COL4A3: variants seen among roughly 807,000 people sequenced by gnomAD.
The protein encoded by COL4A3 is collagen type IV alpha 3 chain.
In COL4A3, 135 loss-of-function variants were observed where a neutral mutation model predicts 217.4. The ratio of observed to expected loss-of-function variants is 0.62; its 90% CI spans 0.54 to 0.72. The LOEUF (loss-of-function observed/expected upper bound fraction) is 0.72, where lower values mean the gene tolerates loss of function less well. Among genes scored for constraint, COL4A3 ranks in the 30% least tolerant of loss-of-function variants. COL4A3 has a pLI of 0.00. For missense variants in COL4A3, 1,868 were observed against 2,119.9 expected (o/e 0.88, Z 2.33); for synonymous variants, 690 against 736.3 (o/e 0.94, Z 1.02).
rs6436668 is a variant in COL4A3 at position 227,248,174 on chromosome 2, G to A, written c.469-269G>A. ...AGGCTGGTCTTGAACTCCTGACCTC[G>A]GGTGATCTGCCCGTTTTGATCTCCC... On this transcript the variant is annotated intron_variant, in intron 8 of 51. Transcript: ENST00000396578. 0.78 allele frequency among the ~76,000 whole-genome samples: 118,566 copies of A among 152,062 alleles called. 46,877 individuals are homozygous for A. The highest frequency in any genetic ancestry group is 0.91 in the East Asian group (4,694 of 5,178).
At chr2:227,219,395 T>G (rs1184322279) in intron 1 of COL4A3, among the ~76,000 whole-genome samples, 1 of 152,182 alleles carries the variant, frequency 6.6e-6, no homozygotes. Context: ...CTTTTCCACT[T>G]ATGACACTAT....
At chr2:227,237,850 C>A in intron 1 of COL4A3, 118 bp from the exon 2 acceptor site, 2 of 753,772 alleles carry the variant, frequency 2.7e-6, no homozygotes, top group South Asian at 1.4e-5. Context: ...GGTCACCTGG[C>A]TCCTAACAGA....
chr2:227,214,112 T>C (rs2067436425), intron 1 of COL4A3, among the ~76,000 whole-genome samples: 1 of 152,168 alleles, frequency 6.6e-6, no homozygotes, highest in South Asian at 2.1e-4. Context: ...CTCCGCATAT[T>C]GAAAAGTCTG....
intron 1 of COL4A3, among the ~76,000 whole-genome samples, chr2:227,201,107 G>A (rs983673367): frequency 6.6e-6 from 1 of 151,934 alleles, no homozygotes; most frequent in Non-Finnish European, 1.5e-5. Flanking sequence ...TTCTTATTAG[G>A]TTATGTTACC....
At chr2:227,224,630 C>T (rs186402900) in intron 1 of COL4A3, among the ~76,000 whole-genome samples, 70 of 152,150 alleles carry the variant, frequency 4.6e-4, no homozygotes, top group African/African-American at 1.5e-3. Flanking sequence ...CGGCAGGCGC[C>T]TGTAATCCCA....
intron 1 of COL4A3, among the ~76,000 whole-genome samples, chr2:227,233,324 T>C (rs567327040): frequency 8.5e-6 from 1 of 117,412 alleles, no homozygotes. Flanking sequence ...CTACAAGCAA[T>C]TGGCCTGTTA....
chr2:227,190,558 T>A (rs960386737), intron 1 of COL4A3, among the ~76,000 whole-genome samples: 1 of 152,230 alleles, frequency 6.6e-6, no homozygotes, highest in African/African-American at 2.4e-5. Flanking sequence ...CTTTGTGTAT[T>A]CTTTGAGGTT....
At chr2:227,198,708 A>T (rs1473442466) in intron 1 of COL4A3, among the ~76,000 whole-genome samples, 1 of 152,226 alleles carries the variant, frequency 6.6e-6, no homozygotes, top group Non-Finnish European at 1.5e-5. Context: ...TTCAAAGCCA[A>T]TTGTCTATCT....
At chr2:227,242,843 C>G (rs1338195396) in intron 3 of COL4A3, among the ~76,000 whole-genome samples, 2 of 152,172 alleles carry the variant, frequency 1.3e-5, no homozygotes, top group Non-Finnish European at 2.9e-5. Flanking sequence ...AATGCAAAAT[C>G]TTGCTGTTTT....
At chr2:227,213,901 C>CAAAAAAAAAAAAAAAAAAAAAAA (rs5839195) in intron 1 of COL4A3, among the ~76,000 whole-genome samples, 1 of 89,354 alleles carries the variant, frequency 1.1e-5, no homozygotes, top group Non-Finnish European at 2.1e-5. Flanking sequence ...AACTCTGTCT[C>CAAAAAAAAAAAAAAAAAAAAAAA]AAAAAAAAAA....
chr2:227,255,291 A>C (rs1183749361), intron 15 of COL4A3, among the ~76,000 whole-genome samples: 1 of 152,158 alleles, frequency 6.6e-6, no homozygotes, highest in African/African-American at 2.4e-5. Flanking sequence ...CAAAGGAAAT[A>C]GGGCAATCTG....
At chr2:227,280,752 C>A in intron 30 of COL4A3, 141 bp from the exon 31 acceptor site, 2 of 1,061,744 alleles carry the variant, frequency 1.9e-6, no homozygotes, top group Non-Finnish European at 1.4e-6. Context: ...TTAATGAGTG[C>A]CCTCTAGAAA....
At chr2:227,289,309 T>G (rs1477034449) in intron 35 of COL4A3, 61 bp downstream of exon 35, 1 of 1,391,166 alleles carries the variant, frequency 7.2e-7, no homozygotes, top group East Asian at 2.4e-5. Context: ...TCTAAAGTAA[T>G]AAAAGTTGTT....
chr2:227,243,486 A>C (rs1574666638), intron 3 of COL4A3, among the ~76,000 whole-genome samples: 1 of 152,360 alleles, frequency 6.6e-6, no homozygotes, highest in East Asian at 1.9e-4. Flanking sequence ...TTCTGTGGGA[A>C]GGGGAATGGC....
chr2:227,234,308 G>A (rs1184778376), intron 1 of COL4A3, among the ~76,000 whole-genome samples: 1 of 152,068 alleles, frequency 6.6e-6, no homozygotes, highest in Non-Finnish European at 1.5e-5. Context: ...CTGAGGGTTG[G>A]GTTTAAACTT....
chr2:227,231,309 C>G (rs948850856), intron 1 of COL4A3, among the ~76,000 whole-genome samples: 1 of 152,126 alleles, frequency 6.6e-6, no homozygotes, highest in East Asian at 1.9e-4. Flanking sequence ...TGGAGGCGTC[C>G]CCCTAGTATA....
chr2:227,303,964 A>G (rs1333624372), intron 45 of COL4A3, 34 bp downstream of exon 45: 12 of 1,614,136 alleles, frequency 7.4e-6, no homozygotes, highest in Non-Finnish European at 1.0e-5. Context: ...CTGTCAATGA[A>G]GAAAGGTAAC....
At chr2:227,206,722 G>T (rs532857630) in intron 1 of COL4A3, among the ~76,000 whole-genome samples, 59 of 152,322 alleles carry the variant, frequency 3.9e-4, no homozygotes, top group Admixed American at 8.5e-4. Flanking sequence ...TTGTATGCAC[G>T]TGGAGGTTGG....
intron 1 of COL4A3, among the ~76,000 whole-genome samples, chr2:227,225,121 G>C (rs1392103081): frequency 7.2e-5 from 11 of 152,180 alleles, no homozygotes; most frequent in African/African-American, 2.7e-4. Flanking sequence ...GCCCCGGCTG[G>C]TCTCCAACCC....
Sources: gnomAD v4.1 joint callset for allele counts (sites outside exome capture counted in the v4.1 genomes callset) on GRCh38, gnomAD v4.1.1 for gene constraint, MANE v1.5 for transcripts, NCBI Gene and HGNC (gene_info 2026-07-23, HGNC 2026-07-21) for gene names.